Variants in AHNAK2 observed in about 807,000 individuals in gnomAD.
AHNAK2 encodes the protein AHNAK nucleoprotein 2, also known as protein AHNAK2.
A neutral mutation model predicts 30.7 loss-of-function variants in AHNAK2; 18 were observed. The observed-to-expected ratio is 0.59, with a 90% CI of 0.41 to 0.87. AHNAK2 has a LOEUF of 0.87. Ranked by LOEUF, AHNAK2 falls within the 40% of genes least tolerant of loss-of-function variation. AHNAK2 has a pLI of 0.00. For missense variants in AHNAK2, 8,604 were observed against 7,373.0 expected (o/e 1.17, Z -6.11); for synonymous variants, 3,590 against 3,073.8 (o/e 1.17, Z -5.56).
rs1298570982 is a variant in AHNAK2 at position 104,941,566 on chromosome 14, G to C, written c.13885C>G (p.Gln4629Glu). 1 of 1,613,150 alleles carries C rather than the reference G, an allele frequency of 6.2e-7. No homozygotes were observed. Among genetic ancestry groups the C allele is most frequent in the South Asian group, 1.1e-5 (1 of 91,080 alleles). Residue 4629 changes from glutamine (Q) to glutamate (E), a missense_variant, in exon 7 of 7, where the codon CAA becomes GAA. Transcript: ENST00000333244. ...CCAGACGTGCTCAGTTTTGGTCCTT[G>C]AAACTTACTGTCTTTCCCAGCTACA... is the stretch of plus-strand genomic sequence containing the variant. ...EDVAGKDSKF[Q>E]GPKLSTSGFE...
At chr14:104,967,901 T>G (rs1159078182) in intron 1 of AHNAK2, among the ~76,000 whole-genome samples, 3 of 152,136 alleles carry the variant, frequency 2.0e-5, no homozygotes, top group Non-Finnish European at 2.9e-5. Flanking sequence ...CCCGAGCTCC[T>G]GAGGAAGCCC....
chr14:104,961,340 C>T (rs1025831823), intron 1 of AHNAK2, among the ~76,000 whole-genome samples: 1 of 151,834 alleles, frequency 6.6e-6, no homozygotes, highest in Non-Finnish European at 1.5e-5. Flanking sequence ...CAGTGAAACC[C>T]CGTCTCTACT....
intron 1 of AHNAK2, among the ~76,000 whole-genome samples, chr14:104,967,897 C>A (rs964400001): frequency 1.3e-5 from 2 of 152,212 alleles, no homozygotes; most frequent in Admixed American, 1.3e-4. Flanking sequence ...CAGGCCCGAG[C>A]TCCTGAGGAA....
chr14:104,944,003 A>G lies in AHNAK2; in HGVS notation c.11448T>C (p.Ser3816=). The G allele has an allele frequency of 1.2e-6, 2 of 1,611,360 alleles. No individual in the cohort carries two copies. Among genetic ancestry groups the G allele is most frequent in the South Asian group, 2.2e-5 (2 of 91,000 alleles). Residue 3816 remains serine, a synonymous_variant, in exon 7 of 7, where the codon TCT becomes TCC. Transcript: ENST00000333244. Reference sequence around the variant, plus strand: ...AGGCCTCAATGGACTTGCCTGGGGCAGACACCCCAAATGACGGCATCTTGA... The same window carrying G: ...AGGCCTCAATGGACTTGCCTGGGGCGGACACCCCAAATGACGGCATCTTGA... The part of the protein sequence containing the change: ...PKFKMPSFGV[S]APGKSIEASV...
Position 104,941,177 on chromosome 14 carries a change from C to G in AHNAK2, c.14274G>C (p.Gln4758His). Reference sequence around the variant, plus strand: ...ACCCAGCAAAACCCACCTTAGGCATCTGCATGGATGGCTCTGAACAAGCCG... The same window carrying G: ...ACCCAGCAAAACCCACCTTAGGCATGTGCATGGATGGCTCTGAACAAGCCG... ...QVSACSEPSM[Q>H]MPKVGFAGFP... Residue 4758 changes from glutamine (Q) to histidine (H), a missense_variant, in exon 7 of 7, where the codon CAG becomes CAC. Coordinates refer to ENST00000333244, the MANE Select transcript of AHNAK2 (RefSeq NM_138420.4). 1 of 1,613,580 alleles carries G rather than the reference C, an allele frequency of 6.2e-7. No individual in the cohort carries two copies. The highest frequency in any genetic ancestry group is 8.5e-7 in the Non-Finnish European group (1 of 1,179,906).
In AHNAK2 at chr14:104,946,670, G is replaced by A; in HGVS notation, c.8781C>T (p.Gly2927=). The change falls in exon 7 of 7, where the codon GGC becomes GGT. Residue 2927 remains glycine, a synonymous_variant. Coordinates refer to ENST00000333244, the MANE Select transcript of AHNAK2 (RefSeq NM_138420.4). ...DVKGPKLDLK[G]PKAEVTAPDV... ...CGGGGGCCGTCACCTCCGCCTTGGG[G>A]CCTTTCAGGTCCAGCTTGGGGCCCT... is the stretch of plus-strand genomic sequence containing the variant. The A allele has an allele frequency of 6.2e-7, 1 of 1,612,900 alleles. No homozygotes were observed. Among genetic ancestry groups the A allele is most frequent in the Non-Finnish European group, 8.5e-7 (1 of 1,179,696 alleles).
chr14:104,975,345 G>T (rs1899566493), intron 1 of AHNAK2, among the ~76,000 whole-genome samples: 1 of 152,358 alleles, frequency 6.6e-6, no homozygotes, highest in Non-Finnish European at 1.5e-5. Flanking sequence ...CCAGCAGGCA[G>T]CCCAGCCTCC....
At position 104,961,310 on chromosome 14, in the gene AHNAK2, C is replaced by T. The variant is rs577568873; in HGVS notation, c.56-3638G>A. Among the ~76,000 whole-genome samples, 68 of 151,550 alleles carry T rather than the reference C, an allele frequency of 4.5e-4. No homozygotes were observed. The East Asian group carries it at 0.01, about 22-fold the overall frequency. On this transcript the variant is annotated intron_variant, in intron 1 of 6. Transcript: ENST00000333244. Reference sequence around the variant, plus strand: ...CGGGCGGATCACGAGGTCAGGAGATCAAAACCATCCTGGCTAACACAGTGA... The same window carrying T: ...CGGGCGGATCACGAGGTCAGGAGATTAAAACCATCCTGGCTAACACAGTGA...
In AHNAK2 at chr14:104,945,563, C is replaced by T; in HGVS notation, c.9888G>A (p.Leu3296=). 6.2e-7 allele frequency: 1 copy of T among 1,610,642 alleles called. No individual in the cohort carries two copies. ...DGARLEGDLS[L]ADKDVTAKDS... ...CTTTGGCAGTCACATCCTTGTCGGC[C>T]AGGGACAGGTCCCCCTCCAGCCGTG... The change falls in exon 7 of 7, where the codon CTG becomes CTA. Residue 3296 remains leucine, a synonymous_variant. Coordinates refer to ENST00000333244, the MANE Select transcript of AHNAK2 (RefSeq NM_138420.4).
In AHNAK2 at chr14:104,947,365, T is replaced by G. The variant is rs373727930; in HGVS notation, c.8086A>C (p.Ile2696Leu). Residue 2696 changes from isoleucine to leucine, a missense_variant, in exon 7 of 7, where the codon ATC (isoleucine) becomes CTC (leucine). Transcript: ENST00000333244. Reference sequence around the variant, plus strand: ...TGGGCAGAGGGGGGCTGAATGCTGATGTCAGTGGTCTTAAGGTCCCCTTGC... The same window carrying G: ...TGGGCAGAGGGGGGCTGAATGCTGAGGTCAGTGGTCTTAAGGTCCCCTTGC... ...SMQGDLKTTD[I>L]SIQPPSAQLE... 7.5e-5 allele frequency: 121 copies of G among 1,611,284 alleles called. 4 individuals are homozygous for G. In the African/African-American group the frequency reaches 1.4e-3, roughly 18 times the overall value.
Position 104,978,303 on chromosome 14 carries a change from C to T in AHNAK2, c.-66G>A. 2 of 918,504 alleles carry T rather than the reference C, an allele frequency of 2.2e-6. No homozygotes were observed. Among genetic ancestry groups the T allele is most frequent in the Non-Finnish European group, 2.7e-6 (2 of 740,888 alleles). The allele number at this position is 918,504 out of a possible 1,614,324, so 56.9% of individuals were successfully genotyped here. A position where few individuals can be genotyped will look rare whatever the true frequency, so the allele number is the denominator to read the frequency against. On this transcript the variant is annotated 5_prime_UTR_variant, in exon 1 of 7. Transcript: ENST00000333244. Reference sequence around the variant, plus strand: ...CCAGTCGCTGGTCCCGGCTCCGGCGCACGGGGCGGGCGGGCGGGAGCCGCG... The same window carrying T: ...CCAGTCGCTGGTCCCGGCTCCGGCGTACGGGGCGGGCGGGCGGGAGCCGCG...
Position 104,949,806 on chromosome 14 carries a change from A to G in AHNAK2, c.5645T>C (p.Val1882Ala). 1 of 1,586,578 alleles carries G rather than the reference A, an allele frequency of 6.3e-7. No individual in the cohort carries two copies. The highest frequency in any genetic ancestry group is 8.6e-7 in the Non-Finnish European group (1 of 1,162,884). Reference sequence around the variant, plus strand: ...CTTCATGTCCACTTGGCCAGCCTGGACCACCAGGTCTGCAGAAGGGAGCGG... The same window carrying G: ...CTTCATGTCCACTTGGCCAGCCTGGGCCACCAGGTCTGCAGAAGGGAGCGG... ...CIPLPSADLV[V>A]QAGQVDMKLP... is the part of the protein sequence containing the mutation. Residue 1882 changes from valine to alanine, a missense_variant, in exon 7 of 7, where the codon GTC becomes GCC. By Grantham distance (64) the Val-to-Ala change is moderately conservative (BLOSUM62 0). Transcript: ENST00000333244.
rs180892973 is a variant in AHNAK2 at position 104,957,821 on chromosome 14, G to A, written c.56-149C>T. The A allele has an allele frequency of 3.8e-4, 302 of 792,226 alleles. 1 individual carries two copies. Among genetic ancestry groups the A allele is most frequent in the East Asian group, 3.0e-3 (110 of 37,148 alleles). The allele number at this position is 792,226 out of a possible 1,614,324, so 49.1% of individuals were successfully genotyped here. A position where few individuals can be genotyped will look rare whatever the true frequency, so the allele number is the denominator to read the frequency against. The stretch of plus-strand genomic sequence containing the variant: ...CGGAGAGCAAACTCAGGGGCTGGGG[G>A]AAGATCTATAGCCAATGGGCTGGAG... On this transcript the variant is annotated intron_variant, in intron 1 of 6. Transcript: ENST00000333244.
Position 104,956,605 on chromosome 14 carries a change from T to C in AHNAK2, c.298A>G (p.Arg100Gly). The C allele has an allele frequency of 6.2e-7, 1 of 1,613,872 alleles. No individual in the cohort carries two copies. Among genetic ancestry groups the C allele is most frequent in the Non-Finnish European group, 8.5e-7 (1 of 1,179,832 alleles). ...RDSGDSRTFFRMSRPEAVQEA... is the reference protein window; with the variant it reads ...RDSGDSRTFFGMSRPEAVQEA... ...GTACCCACCTCTGGACGACTCATCC[T>C]GAAAAATGTCCGTGAGTCCCCTGAA... Residue 100 changes from arginine (R) to glycine (G), a missense_variant, in exon 4 of 7, where the codon AGG becomes GGG. Arg to Gly is a moderately radical substitution (Grantham distance 125). Coordinates refer to ENST00000333244, the MANE Select transcript of AHNAK2 (RefSeq NM_138420.4).
In AHNAK2 at chr14:104,949,387, C is replaced by G. The variant is rs200472179; in HGVS notation, c.6064G>C (p.Val2022Leu). Residue 2022 changes from valine (V) to leucine (L), a missense_variant, in exon 7 of 7, where the codon GTG (valine) becomes CTG (leucine). Coordinates refer to ENST00000333244, the MANE Select transcript of AHNAK2 (RefSeq NM_138420.4). ...DVPAPKVEAD[V>L]SLPSMQGDLK... ...TCCCCCTGCATGGAGGGGAGACTCA[C>G]GTCGGCCTCCACCTTGGGTGCAGGC... 1,795 of 1,578,696 alleles carry G rather than the reference C, an allele frequency of 1.1e-3. 176 individuals carry two copies. Among genetic ancestry groups the G allele is most frequent in the Middle Eastern group, 2.7e-3 (16 of 6,018 alleles).
chr14:104,942,910 G>C lies in AHNAK2; in HGVS notation c.12541C>G (p.Leu4181Val). The C allele has an allele frequency of 1.2e-6, 2 of 1,613,184 alleles. No individual in the cohort carries two copies. Among genetic ancestry groups the C allele is most frequent in the Non-Finnish European group, 1.7e-6 (2 of 1,179,608 alleles). ...SMQGDLKTTDLSIQSPSADLE... is the reference protein window; with the variant it reads ...SMQGDLKTTDVSIQSPSADLE... ...TCGGCGGAAGGGGACTGAATGCTGAGGTCAGTGGTCTTGAGGTCCCCCTGC... is the reference window on the plus strand; with the variant it reads ...TCGGCGGAAGGGGACTGAATGCTGACGTCAGTGGTCTTGAGGTCCCCCTGC... The change falls in exon 7 of 7, where the codon CTC becomes GTC. Residue 4181 changes from leucine (L) to valine (V), a missense_variant. Transcript: ENST00000333244.
At chr14:104,961,887 C>A (rs939015048) in intron 1 of AHNAK2, among the ~76,000 whole-genome samples, 1 of 152,056 alleles carries the variant, frequency 6.6e-6, no homozygotes, top group African/African-American at 2.4e-5. Context: ...GTGGGAGGAT[C>A]ACTTGAGCCC....
Position 104,944,279 on chromosome 14 carries a change from C to T in AHNAK2, c.11172G>A (p.Val3724=). 2 of 1,613,000 alleles carry T rather than the reference C, an allele frequency of 1.2e-6. No homozygotes were observed. The highest frequency in any genetic ancestry group is 1.1e-5 in the South Asian group (1 of 91,034). The change falls in exon 7 of 7, where the codon GTG becomes GTA. Residue 3724 remains valine, a synonymous_variant. Coordinates refer to ENST00000333244, the MANE Select transcript of AHNAK2 (RefSeq NM_138420.4). ...TGGGCATCTTCAAACTGGGCATCTC[C>T]ACCTTGGGCAGGTGCTCTTTGAGGC... ...GAGLKEHLPK[V]EMPSLKMPKV... is the part of the protein sequence containing the mutation.
rs376461670 is a variant in AHNAK2 at position 104,938,269 on chromosome 14, C to G, written c.17182G>C (p.Glu5728Gln). The G allele has an allele frequency of 9.3e-6, 15 of 1,613,730 alleles. No individual in the cohort carries two copies. In the African/African-American group the frequency reaches 2.0e-4, roughly 22 times the overall value. Residue 5728 changes from glutamate to glutamine, a missense_variant, in exon 7 of 7, where the codon GAA (glutamate) becomes CAA (glutamine). Coordinates refer to ENST00000333244, the MANE Select transcript of AHNAK2 (RefSeq NM_138420.4). ...GAELEEQKLQEETITFFDARE... is the reference protein window; with the variant it reads ...GAELEEQKLQQETITFFDARE... Reference sequence around the variant, plus strand: ...GCATCAAAAAACGTGATTGTTTCTTCTTGAAGTTTTTGTTCTTCCAGCTCT... The same window carrying G: ...GCATCAAAAAACGTGATTGTTTCTTGTTGAAGTTTTTGTTCTTCCAGCTCT...
Sources: allele counts gnomAD v4.1 joint callset (sites outside exome capture counted in the v4.1 genomes callset), GRCh38; gene constraint gnomAD v4.1.1; transcripts MANE v1.5; gene names NCBI Gene and HGNC (gene_info 2026-07-23, HGNC 2026-07-21).